The following QRICH2 variants were observed in gnomAD, a reference collection of about 807,000 sequenced individuals.
The protein encoded by QRICH2 is glutamine-rich protein 2.
In QRICH2, 119 loss-of-function variants were observed where a neutral mutation model predicts 168.3. The observed-to-expected ratio is 0.71, with a 90% CI of 0.61 to 0.82. The LOEUF is 0.82. QRICH2 is among the 40% of genes least tolerant of loss of function. The pLI is 0.00. For synonymous variants in QRICH2, 894 were observed against 951.2 expected, an observed-to-expected ratio of 0.94 and a Z score of 1.11; for missense variants, 2,241 against 2,491.6, an observed-to-expected ratio of 0.90 and a Z score of 2.14.
intron 7 of QRICH2, among the ~76,000 whole-genome samples, chr17:76,282,758 A>G (rs1346216292): frequency 6.6e-6 from 1 of 152,170 alleles, no homozygotes; most frequent in Non-Finnish European, 1.5e-5. Context: ...CAGCTGATCC[A>G]AGGGCAGCCG....
chr17:76,308,546 C>A, upstream of QRICH2: 2 of 958,448 alleles, frequency 2.1e-6, no homozygotes, highest in Non-Finnish European at 2.5e-6. Context: ...TGCGTCCATT[C>A]CAGAGTGGTG....
At chr17:76,302,122 C>A (rs1256934065) in intron 3 of QRICH2, among the ~76,000 whole-genome samples, 1 of 152,094 alleles carries the variant, frequency 6.6e-6, no homozygotes, top group Non-Finnish European at 1.5e-5. Flanking sequence ...TGGTCTCCAA[C>A]TCCTGACCTC....
At chr17:76,294,739 G>A (rs1354788308) in intron 3 of QRICH2, among the ~76,000 whole-genome samples, 2 of 151,134 alleles carry the variant, frequency 1.3e-5, no homozygotes, top group Non-Finnish European at 2.9e-5. Context: ...CTTGAACCCG[G>A]GAGGTGGAGG....
chr17:76,307,472 A>T lies in QRICH2; in HGVS notation c.527T>A (p.Phe176Tyr). 1 of 1,613,786 alleles carries T rather than the reference A, an allele frequency of 6.2e-7. No individual in the cohort carries two copies. The highest frequency in any genetic ancestry group is 1.3e-5 in the African/African-American group (1 of 75,048). ...IMKDAAEELS[F>Y]ARVLLQRVDE... ...CTCCGTGTGCGTGCTCACCCTGGCAAAGCTGAGCTCCTCGGCGGCGTCCTT... is the reference window on the plus strand; with the variant it reads ...CTCCGTGTGCGTGCTCACCCTGGCATAGCTGAGCTCCTCGGCGGCGTCCTT... Residue 176 changes from phenylalanine to tyrosine, a missense_variant, in exon 1 of 19, where the codon TTT becomes TAT. Around this residue, in one of 3 missense-constraint regions of QRICH2, gnomAD observed 2,047 missense variants for 2,303.8 expected, o/e 0.89. Coordinates refer to ENST00000680821, the MANE Select transcript of QRICH2 (RefSeq NM_001388453.1). The surrounding 1 kb of genome is among the most constrained non-coding windows in gnomAD (Gnocchi z 5.3).
intron 18 of QRICH2, among the ~76,000 whole-genome samples, chr17:76,275,050 T>C (rs2070649381): frequency 6.6e-6 from 1 of 152,152 alleles, no homozygotes; most frequent in South Asian, 2.1e-4. Context: ...GCTGGAGTGA[T>C]GCTGGAGAGC....
In QRICH2 at chr17:76,291,275, T is replaced by C. The variant is rs1391057973; in HGVS notation, c.3452A>G (p.Asp1151Gly). ...GTCTGGACTCCTGAAAAGAGTGACA[T>C]CTTGGCCTGGGGCCTTCTGGGCAGG... is the stretch of plus-strand genomic sequence containing the variant. ...GIPAQKAPGQ[D>G]VTLFRSPDSV... is the part of the protein sequence containing the mutation. Residue 1151 changes from aspartate (D) to glycine (G), a missense_variant, in exon 4 of 19, where the codon GAT becomes GGT. Physicochemically the swap from Asp to Gly is moderately conservative, Grantham distance 94 (BLOSUM62 -1). Coordinates refer to ENST00000680821, the MANE Select transcript of QRICH2 (RefSeq NM_001388453.1). The C allele has an allele frequency of 3.7e-6, 6 of 1,614,190 alleles. No individual in the cohort carries two copies. Among genetic ancestry groups the C allele is most frequent in the Non-Finnish European group, 5.1e-6 (6 of 1,180,040 alleles).
Position 76,279,375 on chromosome 17 carries a change from G to A in QRICH2, c.4802C>T (p.Pro1601Leu), listed in dbSNP as rs777935582. Residue 1601 changes from proline to leucine, a missense_variant, in exon 13 of 19, where the codon CCT becomes CTT. Pro to Leu is a moderately conservative substitution (Grantham distance 98, BLOSUM62 -3). Around this residue, in one of 3 missense-constraint regions of QRICH2, gnomAD observed 2,047 missense variants for 2,303.8 expected, o/e 0.89. Transcript: ENST00000680821. ...TGTGGGCACTCACTGTCCAGTCACA[G>A]GTGTCTCCAAGGGCCGGTCACATGA... Reference protein sequence around the residue: ...CLSCDRPLETPVTGHAIPVTP... With the variant: ...CLSCDRPLETLVTGHAIPVTP... The A allele has an allele frequency of 3.1e-6, 5 of 1,612,852 alleles. No homozygotes were observed. Among genetic ancestry groups the A allele is most frequent in the Non-Finnish European group, 4.2e-6 (5 of 1,179,462 alleles).
At position 76,291,582 on chromosome 17, in the gene QRICH2, G is replaced by T; in HGVS notation, c.3145C>A (p.Gln1049Lys). The change falls in exon 4 of 19, where the codon CAA becomes AAA. Residue 1049 changes from glutamine to lysine, a missense_variant. By Grantham distance (53) the Gln-to-Lys change is moderately conservative (BLOSUM62 1). Coordinates refer to ENST00000680821, the MANE Select transcript of QRICH2 (RefSeq NM_001388453.1). ...TCTGTGCCAGGATGCATCAAACCTT[G>T]CTGATAAGTTTCTGGTGGTACCAAA... ...RSLVPPETYQ[Q>K]GLMHPGTDQH... The T allele has an allele frequency of 6.2e-7, 1 of 1,614,178 alleles. No individual in the cohort carries two copies. Among genetic ancestry groups the T allele is most frequent in the Non-Finnish European group, 8.5e-7 (1 of 1,180,034 alleles).
chr17:76,287,733 C>T, intron 6 of QRICH2, 67 bp downstream of exon 6: 1 of 1,213,856 alleles, frequency 8.2e-7, no homozygotes, highest in South Asian at 1.2e-5. Context: ...CCACTGGCCG[C>T]CATCACCTCC....
chr17:76,305,078 C>T (rs753039061), intron 1 of QRICH2, 137 bp from the exon 2 acceptor site: 48 of 698,836 alleles, frequency 6.9e-5, no homozygotes, highest in Non-Finnish European at 1.0e-4. Flanking sequence ...CACACTGACT[C>T]AGTGCCAGGA....
chr17:76,276,039 C>G, intron 17 of QRICH2, 92 bp from the exon 18 acceptor site: 1 of 1,479,994 alleles, frequency 6.8e-7, no homozygotes, highest in African/African-American at 1.4e-5. Context: ...CGCAGGGCTG[C>G]TGGTCATGGC....
At chr17:76,304,990 C>T (rs201732273) in intron 1 of QRICH2, 49 bp from the exon 2 acceptor site, 2 of 1,269,636 alleles carry the variant, frequency 1.6e-6, no homozygotes, top group South Asian at 2.4e-5. Flanking sequence ...CCTACACACG[C>T]ACACTCACAT....
chr17:76,281,687 G>A lies in QRICH2; in HGVS notation c.4263+177C>T, dbSNP rs533024594. 4.6e-4 allele frequency among the ~76,000 whole-genome samples: 70 copies of A among 152,316 alleles called. 1 individual carries two copies. The highest frequency in any genetic ancestry group is 8.7e-4 in the Non-Finnish European group (59 of 68,030). ...CAAAGCTAGTTCTGCTGCTACCCTC[G>A]CTGTGGACCTGCAGAAAGACCAGGG... is the stretch of plus-strand genomic sequence containing the variant. On this transcript the variant is annotated intron_variant, in intron 8 of 18. Coordinates refer to ENST00000680821, the MANE Select transcript of QRICH2 (RefSeq NM_001388453.1). The surrounding 1 kb of genome is among the most constrained non-coding windows in gnomAD (Gnocchi z 4.4).
chr17:76,279,409 G>C lies in QRICH2; in HGVS notation c.4768C>G (p.His1590Asp), dbSNP rs541237224. 1 of 1,612,532 alleles carries C rather than the reference G, an allele frequency of 6.2e-7. No homozygotes were observed. The highest frequency in any genetic ancestry group is 1.3e-5 in the African/African-American group (1 of 75,038). The change falls in exon 13 of 19, where the codon CAC becomes GAC. Residue 1590 changes from histidine (H) to aspartate (D), a missense_variant. Transcript: ENST00000680821. The stretch of plus-strand genomic sequence containing the variant: ...AAGGGCCGGTCACATGAGAGGCAGT[G>C]GAAATGTGCCAGGAGCTGCCTGTTA... ...AMRRQLLAHF[H>D]CLSCDRPLET...
intron 4 of QRICH2, among the ~76,000 whole-genome samples, chr17:76,290,780 G>C (rs2070972132): frequency 6.6e-6 from 1 of 152,092 alleles, no homozygotes; most frequent in African/African-American, 2.4e-5. Context: ...GCTGTGCAGA[G>C]AGCCTGACAA....
At chr17:76,274,790 G>A (rs1351007430) in intron 18 of QRICH2, among the ~76,000 whole-genome samples, 1 of 152,170 alleles carries the variant, frequency 6.6e-6, no homozygotes, top group African/African-American at 2.4e-5. Context: ...CTCCAGCTCT[G>A]CCGCTTCCTG....
intron 5 of QRICH2, among the ~76,000 whole-genome samples, chr17:76,289,184 A>G (rs2070943852): frequency 6.6e-6 from 1 of 151,922 alleles, no homozygotes; most frequent in Non-Finnish European, 1.5e-5. Context: ...TTTGAGCATC[A>G]GTTTTTAAAA....
At chr17:76,301,146 G>A (rs1439136946) in intron 3 of QRICH2, among the ~76,000 whole-genome samples, 2 of 152,128 alleles carry the variant, frequency 1.3e-5, no homozygotes, top group Non-Finnish European at 2.9e-5. Flanking sequence ...GAGTCCAGGA[G>A]GTCGAGGTTG....
At chr17:76,276,304 C>A (rs570650608) in intron 17 of QRICH2, among the ~76,000 whole-genome samples, 1 of 152,128 alleles carries the variant, frequency 6.6e-6, no homozygotes, top group Non-Finnish European at 1.5e-5. Context: ...GGCATTGCCA[C>A]GGGAGGCGGG....
Sources: gnomAD v4.1 joint callset for allele counts (sites outside exome capture counted in the v4.1 genomes callset) on GRCh38, gnomAD v4.1.1 for gene constraint, gnomAD v4.1.1 regional missense constraint, Gnocchi (gnomAD v3.1) non-coding constraint, MANE v1.5 for transcripts, NCBI Gene and HGNC (gene_info 2026-07-23, HGNC 2026-07-21) for gene names.